SLX9: variants seen among roughly 807,000 people sequenced by gnomAD.
The protein encoded by SLX9 is SLX9 ribosome biogenesis factor.
Under a neutral mutation model 20.8 loss-of-function variants are expected in SLX9, and 19 were observed. The observed-to-expected ratio is 0.91, with a 90% confidence interval of 0.64 to 1.34. The LOEUF is 1.34. Among genes scored for constraint, SLX9 ranks in the 40% most tolerant of loss-of-function variants. The probability of loss-of-function intolerance (pLI) is 0.00; values close to 1 mark genes in which losing one functional copy is unlikely to be tolerated. For synonymous variants in SLX9, 113 were observed against 137.1 expected (o/e 0.82, Z 1.23); for missense variants, 299 against 322.2 (o/e 0.93, Z 0.55).
chr21:44,970,067 C>T (rs2225435), intron 4 of SLX9, among the ~76,000 whole-genome samples: 4 of 150,308 alleles, frequency 2.7e-5, no homozygotes, highest in Non-Finnish European at 4.4e-5. Context: ...CCTGACTCAC[C>T]GTGAGGCTGA....
Position 44,940,078 on chromosome 21 carries a change from G to T in SLX9, c.21G>T (p.Leu7Phe), listed in dbSNP as rs557014822. ...GGAAGATGGGGAAAGTGAGGGGGTT[G>T]CGCGCCCGAGTGCACCAGGCTGCCG... MGKVRG[L>F]RARVHQAAVR... Residue 7 changes from leucine (L) to phenylalanine (F), a missense_variant, in exon 1 of 6, where the codon TTG becomes TTT. Leu to Phe is a conservative substitution (Grantham distance 22, BLOSUM62 0). Transcript: ENST00000291634. 8.2e-5 allele frequency: 120 copies of T among 1,459,520 alleles called. 1 individual carries two copies. The South Asian group carries it at 1.7e-3, about 20-fold the overall frequency. The allele number at this position is 1,459,520 out of a possible 1,614,324, so 90.4% of individuals were successfully genotyped here. A position where few individuals can be genotyped will look rare whatever the true frequency, so the allele number is the denominator to read the frequency against.
chr21:44,947,973 G>A (rs1445316608), intron 2 of SLX9, among the ~76,000 whole-genome samples: 1 of 152,248 alleles, frequency 6.6e-6, no homozygotes, highest in South Asian at 2.1e-4. Flanking sequence ...GGCAGAGCCG[G>A]GGTGAGCACC....
At chr21:44,967,657 T>C (rs556084058) in intron 4 of SLX9, among the ~76,000 whole-genome samples, 49 of 152,280 alleles carry the variant, frequency 3.2e-4, no homozygotes, top group Middle Eastern at 3.4e-3. Context: ...CACCTAACAC[T>C]GCACACCCTG....
At chr21:44,962,409 A>G (rs1184328996) in intron 3 of SLX9, among the ~76,000 whole-genome samples, 2 of 152,218 alleles carry the variant, frequency 1.3e-5, no homozygotes, top group African/African-American at 4.8e-5. Context: ...TAGACTCTGT[A>G]TAAATGGAAT....
At chr21:44,955,142 G>A (rs2084831363) in intron 2 of SLX9, among the ~76,000 whole-genome samples, 1 of 150,636 alleles carries the variant, frequency 6.6e-6, no homozygotes, top group Non-Finnish European at 1.5e-5. Context: ...CTTGAACCCA[G>A]AAGGCAGAGA....
chr21:44,940,604 A>G (rs1320296174), intron 1 of SLX9, among the ~76,000 whole-genome samples: 1 of 151,966 alleles, frequency 6.6e-6, no homozygotes, highest in East Asian at 1.9e-4. Context: ...CTCAGCCCTA[A>G]GCAAGCACGA....
intron 4 of SLX9, among the ~76,000 whole-genome samples, chr21:44,971,055 G>A (rs1051110386): frequency 1.1e-4 from 17 of 152,246 alleles, no homozygotes; most frequent in African/African-American, 3.6e-4. Context: ...ACTTGACTCC[G>A]GTGACCCCCA....
intron 2 of SLX9, among the ~76,000 whole-genome samples, chr21:44,948,390 G>T (rs1020903722): frequency 6.6e-6 from 1 of 151,072 alleles, no homozygotes; most frequent in East Asian, 1.9e-4. Context: ...ATGCAGCATC[G>T]GGCGGTCCGG....
chr21:44,965,960 A>G lies in SLX9; in HGVS notation c.353-1074A>G, dbSNP rs139947495. On this transcript the variant is annotated intron_variant, in intron 3 of 5. Transcript: ENST00000291634. ...AGTAAGCGCTGGATTCTTACCTTAT[A>G]AACCCCCGTGATTCCCAAGGCTGTG... is the stretch of plus-strand genomic sequence containing the variant. Among the ~76,000 whole-genome samples the G allele has an allele frequency of 3.3e-3, 502 of 152,168 alleles. 2 individuals carry two copies. Among genetic ancestry groups the G allele is most frequent in the Middle Eastern group, 0.01 (3 of 294 alleles).
intron 1 of SLX9, 128 bp downstream of exon 1, chr21:44,940,314 T>A: frequency 8.6e-7 from 1 of 1,161,274 alleles, no homozygotes. Flanking sequence ...TTTGCTGCGC[T>A]ACAGACGCGA....
At chr21:44,973,780 C>G (rs938753503) in intron 5 of SLX9, among the ~76,000 whole-genome samples, 1 of 152,180 alleles carries the variant, frequency 6.6e-6, no homozygotes, top group Non-Finnish European at 1.5e-5. Flanking sequence ...CCGCCCGTGC[C>G]TCTAGTCCCC....
chr21:44,951,994 C>T (rs986162377), intron 2 of SLX9, among the ~76,000 whole-genome samples: 6 of 141,878 alleles, frequency 4.2e-5, no homozygotes, highest in South Asian at 4.1e-4. Flanking sequence ...CACGTGGCGG[C>T]GACTGGGTAC....
intron 4 of SLX9, among the ~76,000 whole-genome samples, chr21:44,968,740 T>G (rs1377333155): frequency 6.7e-6 from 1 of 148,932 alleles, no homozygotes; most frequent in Non-Finnish European, 1.5e-5. Context: ...CATTCATTTG[T>G]GTCATCTCTG....
intron 2 of SLX9, among the ~76,000 whole-genome samples, chr21:44,951,243 C>T (rs2084751409): frequency 6.6e-6 from 1 of 152,126 alleles, no homozygotes; most frequent in Non-Finnish European, 1.5e-5. Flanking sequence ...AGGAGGCTCC[C>T]ATCTCCTGGT....
intron 2 of SLX9, among the ~76,000 whole-genome samples, chr21:44,956,080 G>A (rs183734203): frequency 2.9e-4 from 44 of 152,350 alleles, no homozygotes; most frequent in African/African-American, 1.0e-3. Flanking sequence ...AGCCTTCATC[G>A]CTGTGAGCTG....
chr21:44,955,736 G>A (rs994438528), intron 2 of SLX9, among the ~76,000 whole-genome samples: 7 of 152,186 alleles, frequency 4.6e-5, no homozygotes, highest in Admixed American at 3.3e-4. Context: ...CCTGGGCTGC[G>A]TTCTAAGGCA....
chr21:44,954,167 T>A (rs1188682856), intron 2 of SLX9, among the ~76,000 whole-genome samples: 2 of 152,140 alleles, frequency 1.3e-5, no homozygotes, highest in Non-Finnish European at 2.9e-5. Flanking sequence ...AGGAGCCTGC[T>A]GCTGTGTCTG....
intron 1 of SLX9, among the ~76,000 whole-genome samples, chr21:44,940,461 C>T (rs2084522036): frequency 6.6e-6 from 1 of 152,194 alleles, no homozygotes; most frequent in Non-Finnish European, 1.5e-5. Flanking sequence ...GCCACGCGGA[C>T]CCCAGAGGTT....
At chr21:44,974,766 T>C (rs1463498874) in intron 5 of SLX9, among the ~76,000 whole-genome samples, 1 of 152,220 alleles carries the variant, frequency 6.6e-6, no homozygotes, top group African/African-American at 2.4e-5. Context: ...AACTGAGTTC[T>C]TCCCAGGCCA....
Sources: gnomAD v4.1 joint callset for allele counts (sites outside exome capture counted in the v4.1 genomes callset) on GRCh38, gnomAD v4.1.1 for gene constraint, MANE v1.5 for transcripts, NCBI Gene and HGNC (gene_info 2026-07-23, HGNC 2026-07-21) for gene names.